The following NCAM2 variants were observed in gnomAD, a reference collection of about 807,000 sequenced individuals.
The protein encoded by NCAM2 is neural cell adhesion molecule 2, also known as N-CAM-2.
NCAM2 carries 30 observed loss-of-function variants against 98.1 expected under a neutral mutation model. That is an observed-to-expected ratio of 0.31 (90% confidence interval 0.23 to 0.41). NCAM2 has a LOEUF of 0.41. NCAM2 is among the 10% of genes least tolerant of loss of function. NCAM2 has a pLI of 1.00. For synonymous variants in NCAM2, 368 were observed against 342.4 expected, an observed-to-expected ratio of 1.07 and a Z score of -0.83; for missense variants, 867 against 1,005.8, an observed-to-expected ratio of 0.86 and a Z score of 1.87.
At chr21:21,164,017 G>C (rs560022815) in intron 1 of NCAM2, among the ~76,000 whole-genome samples, 1 of 152,226 alleles carries the variant, frequency 6.6e-6, no homozygotes, top group Admixed American at 6.5e-5. Context: ...ATCACTGCAA[G>C]TGTACTTGGA....
chr21:21,213,650 C>A (rs1339885769), intron 1 of NCAM2, among the ~76,000 whole-genome samples: 1 of 152,102 alleles, frequency 6.6e-6, no homozygotes, highest in Non-Finnish European at 1.5e-5. Context: ...AAGACTCAGG[C>A]CCATTTGAAA....
intron 1 of NCAM2, among the ~76,000 whole-genome samples, chr21:21,158,438 C>T (rs1188248576): frequency 6.6e-6 from 1 of 151,966 alleles, no homozygotes; most frequent in Admixed American, 6.6e-5. Flanking sequence ...TGGTGAAATC[C>T]CGTCTCTACT....
chr21:21,412,798 T>A (rs970383057), intron 10 of NCAM2, among the ~76,000 whole-genome samples: 5 of 152,086 alleles, frequency 3.3e-5, no homozygotes. Flanking sequence ...AAACATAGCA[T>A]AACAAAATAA....
chr21:21,330,198 T>A (rs1247224343), intron 6 of NCAM2, among the ~76,000 whole-genome samples: 1 of 152,090 alleles, frequency 6.6e-6, no homozygotes, highest in Non-Finnish European at 1.5e-5. Flanking sequence ...TACTTTGTCT[T>A]TAATTTTCTT....
chr21:21,521,030 T>G (rs1452696507), intron 16 of NCAM2, among the ~76,000 whole-genome samples: 1 of 152,200 alleles, frequency 6.6e-6, no homozygotes, highest in East Asian at 1.9e-4. Flanking sequence ...CAGACCATTC[T>G]GTTCTTAACA....
At chr21:21,343,395 A>ACACACACACACACACAC (rs1568957074) in intron 8 of NCAM2, among the ~76,000 whole-genome samples, 4 of 145,886 alleles carry the variant, frequency 2.7e-5, no homozygotes, top group African/African-American at 1.1e-4. Context: ...ACACACACAC[A>ACACACACACACACACAC]ATCTTCATGA....
chr21:21,151,314 A>G (rs2067442025), intron 1 of NCAM2, among the ~76,000 whole-genome samples: 1 of 152,092 alleles, frequency 6.6e-6, no homozygotes, highest in African/African-American at 2.4e-5. Flanking sequence ...GTACATGTGC[A>G]CAACGTGCAT....
At chr21:21,300,658 T>TAA (rs2073679610) in intron 5 of NCAM2, among the ~76,000 whole-genome samples, 1 of 152,100 alleles carries the variant, frequency 6.6e-6, no homozygotes, top group Admixed American at 6.6e-5. Flanking sequence ...CCTTAAGGTA[T>TAA]ACTGTAGAGA....
Position 21,114,494 on chromosome 21 carries a change from G to T in NCAM2, c.55+115876G>T, listed in dbSNP as rs547404892. Among the ~76,000 whole-genome samples the T allele has an allele frequency of 6.6e-5, 10 of 152,296 alleles. No individual in the cohort carries two copies. The East Asian group carries it at 1.7e-3, about 26-fold the overall frequency. On this transcript the variant is annotated intron_variant, in intron 1 of 17. Transcript: ENST00000400546. Reference sequence around the variant, plus strand: ...GGGATATACTCCTTAGTTTACAAGGGTCGGTGTTAATGTTCTGCCATAGGA... The same window carrying T: ...GGGATATACTCCTTAGTTTACAAGGTTCGGTGTTAATGTTCTGCCATAGGA...
chr21:21,340,670 T>C (rs1350620686), intron 8 of NCAM2, among the ~76,000 whole-genome samples: 4 of 152,034 alleles, frequency 2.6e-5, no homozygotes, highest in Non-Finnish European at 4.4e-5. Context: ...GATCCTTGAC[T>C]TATTTTTCTA....
chr21:21,154,678 T>A (rs2067555776), intron 1 of NCAM2, among the ~76,000 whole-genome samples: 1 of 151,874 alleles, frequency 6.6e-6, no homozygotes, highest in Admixed American at 6.6e-5. Flanking sequence ...TCTGTGACAT[T>A]AAAAATAGAG....
chr21:21,475,977 G>A (rs1440955098), intron 14 of NCAM2, among the ~76,000 whole-genome samples: 9 of 152,044 alleles, frequency 5.9e-5, no homozygotes, highest in Admixed American at 2.0e-4. Flanking sequence ...TCCTTCTGAA[G>A]GACACTCCAT....
At chr21:21,281,056 G>A (rs1037920172) in intron 2 of NCAM2, among the ~76,000 whole-genome samples, 7 of 152,092 alleles carry the variant, frequency 4.6e-5, no homozygotes, top group African/African-American at 1.7e-4. Flanking sequence ...CTCCTGAAGT[G>A]CTGGGATTAC....
chr21:21,535,657 A>T (rs941819115), intron 17 of NCAM2, among the ~76,000 whole-genome samples: 2 of 152,128 alleles, frequency 1.3e-5, no homozygotes, highest in African/African-American at 4.8e-5. Flanking sequence ...TTTAGAGATT[A>T]TTACAATGTA....
At chr21:21,134,022 C>A (rs1569059630) in intron 1 of NCAM2, among the ~76,000 whole-genome samples, 1 of 150,328 alleles carries the variant, frequency 6.7e-6, no homozygotes, top group Non-Finnish European at 1.5e-5. Context: ...TAGCCCTGGT[C>A]TCTGTGGCCC....
chr21:21,330,838 C>A (rs1047838905), intron 6 of NCAM2, among the ~76,000 whole-genome samples: 1 of 151,966 alleles, frequency 6.6e-6, no homozygotes, highest in African/African-American at 2.4e-5. Context: ...CAGTCTTTTT[C>A]TGTTTTTCAT....
At chr21:21,315,432 A>C (rs958729834) in intron 5 of NCAM2, among the ~76,000 whole-genome samples, 1 of 152,098 alleles carries the variant, frequency 6.6e-6, no homozygotes, top group East Asian at 1.9e-4. Context: ...CTGCGATCTT[A>C]TTTATCTCTC....
chr21:21,080,673 AAAAAAAAC>A lies in NCAM2; in HGVS notation c.55+82056_55+82063del, dbSNP rs1276317439. Among the ~76,000 whole-genome samples, 5 of 146,576 alleles carry A rather than the reference AAAAAAAAC, an allele frequency of 3.4e-5. No homozygotes were observed. The East Asian group carries it at 5.9e-4, about 17-fold the overall frequency. On this transcript the variant is annotated intron_variant, in intron 1 of 17. Coordinates refer to ENST00000400546, the MANE Select transcript of NCAM2 (RefSeq NM_004540.5). ...TAAGATCTCAAAAAAAAAAAAAAAA[AAAAAAAAC>A]CAACATTGATTCATACCCCTAACAT...
At chr21:21,353,413 GA>G (rs1347940325) in intron 8 of NCAM2, among the ~76,000 whole-genome samples, 1 of 152,086 alleles carries the variant, frequency 6.6e-6, no homozygotes, top group African/African-American at 2.4e-5. Flanking sequence ...CAGATCTTGT[GA>G]CTGTATATCT....
Sources: allele counts gnomAD v4.1 joint callset (sites outside exome capture counted in the v4.1 genomes callset), GRCh38; gene constraint gnomAD v4.1.1; transcripts MANE v1.5; gene names NCBI Gene and HGNC (gene_info 2026-07-23, HGNC 2026-07-21).